PARD3: variants seen among roughly 807,000 people sequenced by gnomAD.
PARD3 encodes the protein partitioning defective 3 homolog.
Under a neutral mutation model 155.4 loss-of-function variants are expected in PARD3, and 75 were observed. That is an observed-to-expected ratio of 0.48 (90% CI 0.40 to 0.58). The LOEUF is 0.58. Among genes scored for constraint, PARD3 ranks in the 20% least tolerant of loss-of-function variants. The pLI is 0.00. For synonymous variants in PARD3, 576 were observed against 610.5 expected (o/e 0.94, Z 0.83); for missense variants, 1,642 against 1,721.7 (o/e 0.95, Z 0.82).
chr10:34,718,957 C>CAA (rs200974308), intron 1 of PARD3, among the ~76,000 whole-genome samples: 1 of 147,506 alleles, frequency 6.8e-6, no homozygotes, highest in Non-Finnish European at 1.5e-5. Flanking sequence ...GAGCGAGACT[C>CAA]AAAAAAAAAT....
At position 34,456,102 on chromosome 10, in the gene PARD3, G is replaced by C. The variant is rs1254063483; in HGVS notation, c.583-5654C>G. ...AACAGAACTATGGCAAGACAAAGAG[G>C]AAACTCAAACATCCATACATTTTTG... On this transcript the variant is annotated intron_variant, in intron 4 of 24. Coordinates refer to ENST00000374788, the MANE Select transcript of PARD3 (RefSeq NM_001184785.2). Among the ~76,000 whole-genome samples, 3 of 152,134 alleles carry C rather than the reference G, an allele frequency of 2.0e-5. No individual in the cohort carries two copies. In the East Asian group the frequency reaches 5.8e-4, roughly 29 times the overall value.
At chr10:34,322,358 G>A (rs1458036432) in intron 19 of PARD3, among the ~76,000 whole-genome samples, 1 of 152,116 alleles carries the variant, frequency 6.6e-6, no homozygotes, top group East Asian at 1.9e-4. Flanking sequence ...TGGGTCTTTG[G>A]AGAAATCTCT....
At chr10:34,744,871 T>C (rs1433896898) in intron 1 of PARD3, among the ~76,000 whole-genome samples, 1 of 152,118 alleles carries the variant, frequency 6.6e-6, no homozygotes, top group Non-Finnish European at 1.5e-5. Flanking sequence ...CTCCAGATGG[T>C]CATCACAATC....
At chr10:34,340,868 T>C (rs1836737323) in intron 16 of PARD3, among the ~76,000 whole-genome samples, 1 of 152,168 alleles carries the variant, frequency 6.6e-6, no homozygotes, top group African/African-American at 2.4e-5. Flanking sequence ...TGCTGATATA[T>C]TCATAAAAGA....
chr10:34,713,007 G>A (rs921405319), intron 1 of PARD3, among the ~76,000 whole-genome samples: 2 of 151,982 alleles, frequency 1.3e-5, no homozygotes, highest in African/African-American at 4.8e-5. Context: ...TCAGGAGCTC[G>A]AGACCAGCCT....
intron 2 of PARD3, among the ~76,000 whole-genome samples, chr10:34,566,735 C>T (rs1343315473): frequency 1.3e-5 from 2 of 152,138 alleles, no homozygotes; most frequent in Non-Finnish European, 2.9e-5. Context: ...TATCTAGATA[C>T]TGACTAAATA....
In PARD3 at chr10:34,269,645, C is replaced by T. The variant is rs1955516443; in HGVS notation, c.3419+12G>A. 4 of 1,612,132 alleles carry T rather than the reference C, an allele frequency of 2.5e-6. No individual in the cohort carries two copies. In the African/African-American group the frequency reaches 5.3e-5, roughly 22 times the overall value. On this transcript the variant is annotated intron_variant, in intron 22 of 24. Coordinates refer to ENST00000374788, the MANE Select transcript of PARD3 (RefSeq NM_001184785.2). ...ATTTGGAAGCAATACCACGATTGCC[C>T]CTGGCGCCTACCTGTCTACAGGTGA...
intron 22 of PARD3, among the ~76,000 whole-genome samples, chr10:34,156,138 C>G (rs1275986875): frequency 1.3e-5 from 2 of 152,134 alleles, no homozygotes; most frequent in East Asian, 3.9e-4. Flanking sequence ...GAGACAGAAT[C>G]TAACTGTCAC....
intron 7 of PARD3, among the ~76,000 whole-genome samples, chr10:34,394,270 C>T (rs901464029): frequency 2.0e-5 from 3 of 152,158 alleles, no homozygotes; most frequent in Non-Finnish European, 4.4e-5. Context: ...AGGTGATCTG[C>T]CCACCTTGGC....
chr10:34,530,252 T>TC (rs1166766167), intron 2 of PARD3, among the ~76,000 whole-genome samples: 1 of 152,146 alleles, frequency 6.6e-6, no homozygotes, highest in African/African-American at 2.4e-5. Flanking sequence ...CTGTTTTTTT[T>TC]CTCTAAAAAT....
intron 1 of PARD3, among the ~76,000 whole-genome samples, chr10:34,740,060 G>A (rs905832975): frequency 2.6e-5 from 4 of 152,204 alleles, no homozygotes; most frequent in Non-Finnish European, 5.9e-5. Context: ...CAGCTGACTT[G>A]AGCTGGAGAG....
At chr10:34,346,544 C>A (rs1389719978) in intron 15 of PARD3, 13 of 1,242,468 alleles carry the variant, frequency 1.0e-5, no homozygotes, top group Non-Finnish European at 6.3e-6. Context: ...ACTGAAATTT[C>A]ATCAACAAAA....
intron 5 of PARD3, among the ~76,000 whole-genome samples, chr10:34,410,925 AG>A (rs1170743603): frequency 6.6e-6 from 1 of 152,216 alleles, no homozygotes; most frequent in Non-Finnish European, 1.5e-5. Context: ...TCTGGGCCCA[AG>A]GGCATCACTT....
At chr10:34,736,634 GTTAC>G in intron 1 of PARD3, among the ~76,000 whole-genome samples, 1 of 148,894 alleles carries the variant, frequency 6.7e-6, no homozygotes, top group Non-Finnish European at 1.5e-5. Flanking sequence ...TTGGAAATAG[GTTAC>G]TTTATTAATT....
At chr10:34,549,603 T>C (rs760332938) in intron 2 of PARD3, among the ~76,000 whole-genome samples, 48 of 152,254 alleles carry the variant, frequency 3.2e-4, no homozygotes, top group Admixed American at 5.2e-4. Flanking sequence ...TTTCATGACA[T>C]TGATTACCAG....
chr10:34,327,627 C>T (rs1835168910), intron 19 of PARD3, among the ~76,000 whole-genome samples: 3 of 152,204 alleles, frequency 2.0e-5, no homozygotes, highest in Admixed American at 2.0e-4. Context: ...GCAAGGAGCT[C>T]TCTGTTCCTG....
chr10:34,498,786 T>TA (rs1471736314), intron 3 of PARD3, among the ~76,000 whole-genome samples: 7 of 151,704 alleles, frequency 4.6e-5, no homozygotes, highest in African/African-American at 1.7e-4. Context: ...CAAAAAGAAA[T>TA]AAAAAATAAA....
At chr10:34,766,286 C>T (rs1202992263) in intron 1 of PARD3, among the ~76,000 whole-genome samples, 2 of 152,166 alleles carry the variant, frequency 1.3e-5, no homozygotes, top group Admixed American at 1.3e-4. Flanking sequence ...CCAAAGCTGA[C>T]ACTAGCAGGT....
intron 5 of PARD3, among the ~76,000 whole-genome samples, chr10:34,445,449 C>A (rs923917801): frequency 2.0e-5 from 3 of 152,086 alleles, no homozygotes; most frequent in Admixed American, 6.6e-5. Flanking sequence ...TCACTCAAAT[C>A]AAATTTCAGG....
Sources: allele counts gnomAD v4.1 joint callset (sites outside exome capture counted in the v4.1 genomes callset), GRCh38; gene constraint gnomAD v4.1.1; transcripts MANE v1.5; gene names NCBI Gene and HGNC (gene_info 2026-07-23, HGNC 2026-07-21).